The following MCCC2 variants were observed in gnomAD, a reference collection of about 807,000 sequenced individuals.
The protein encoded by MCCC2 is methylcrotonoyl-CoA carboxylase beta chain, mitochondrial.
MCCC2 carries 52 observed loss-of-function variants against 77.2 expected under a neutral mutation model. The ratio of observed to expected loss-of-function variants is 0.67; its 90% confidence interval spans 0.54 to 0.85. The LOEUF (loss-of-function observed/expected upper bound fraction) is 0.85, where lower values mean the gene tolerates loss of function less well. Ranked by LOEUF, MCCC2 falls within the 40% of genes least tolerant of loss-of-function variation. The pLI, the probability that MCCC2 is intolerant of heterozygous loss-of-function variation, is 0.00. For synonymous variants in MCCC2, 253 were observed against 248.4 expected (o/e 1.02, Z -0.18); for missense variants, 682 against 703.2 (o/e 0.97, Z 0.34).
chr5:71,599,574 A>G lies in MCCC2; in HGVS notation c.282-85A>G, dbSNP rs1441318889. On this transcript the variant is annotated intron_variant, in intron 3 of 16. Coordinates refer to ENST00000340941, the MANE Select transcript of MCCC2 (RefSeq NM_022132.5). ...TTTGAAATATTGTCCCATTGAGGAA[A>G]AATCTTTTCCTTTTCCATGTGTAAC... is the stretch of plus-strand genomic sequence containing the variant. The G allele has an allele frequency of 7.3e-6, 8 of 1,093,974 alleles. No homozygotes were observed. In the African/African-American group the frequency reaches 1.1e-4, roughly 15 times the overall value. 67.8% of individuals were successfully genotyped at this position (1,093,974 alleles called of 1,614,324 possible).
rs149730963 is a variant in MCCC2, at chr5:71,622,754, C to T, written c.625-3886C>T. On this transcript the variant is annotated intron_variant, in intron 6 of 16. Transcript: ENST00000340941. ...TCCTGGCTTCAAGCAGTCTTCCTGC[C>T]TTAGCCTCCTGAGTAGCTGGGATTA... 1.9e-3 allele frequency among the ~76,000 whole-genome samples: 287 copies of T among 152,316 alleles called. 1 individual carries two copies. Among genetic ancestry groups the T allele is most frequent in the African/African-American group, 5.9e-3 (246 of 41,584 alleles).
chr5:71,616,835 G>A (rs1746169676), intron 6 of MCCC2, among the ~76,000 whole-genome samples: 1 of 152,126 alleles, frequency 6.6e-6, no homozygotes, highest in Non-Finnish European at 1.5e-5. Context: ...ATATATTGAT[G>A]AGTCCTGTTG....
At chr5:71,597,033 A>T (rs564671077) in intron 3 of MCCC2, among the ~76,000 whole-genome samples, 2 of 152,178 alleles carry the variant, frequency 1.3e-5, no homozygotes, top group East Asian at 3.9e-4. Context: ...GGAGAGGAAG[A>T]TATAGGGCAA....
intron 6 of MCCC2, among the ~76,000 whole-genome samples, chr5:71,626,062 A>C (rs1273438626): frequency 6.6e-6 from 1 of 152,172 alleles, no homozygotes; most frequent in East Asian, 1.9e-4. Flanking sequence ...TAAACACACA[A>C]AACTAGAGAA....
At chr5:71,605,170 A>G (rs981623878) in intron 6 of MCCC2, among the ~76,000 whole-genome samples, 2 of 125,556 alleles carry the variant, frequency 1.6e-5, no homozygotes, top group Non-Finnish European at 3.4e-5. Flanking sequence ...GACTTCGACA[A>G]TGGTTGAACT....
chr5:71,631,587 C>T (rs1203939556), intron 7 of MCCC2, among the ~76,000 whole-genome samples: 1 of 147,356 alleles, frequency 6.8e-6, no homozygotes, highest in Non-Finnish European at 1.5e-5. Flanking sequence ...GTCGCCCAGG[C>T]CGGACTGCAG....
chr5:71,645,420 G>T (rs1269922858), intron 12 of MCCC2, among the ~76,000 whole-genome samples: 1 of 152,134 alleles, frequency 6.6e-6, no homozygotes, highest in Non-Finnish European at 1.5e-5. Context: ...AGAAATAGTT[G>T]TATTTTTGTA....
intron 8 of MCCC2, among the ~76,000 whole-genome samples, chr5:71,633,948 T>C (rs745528578): frequency 8.5e-5 from 13 of 152,180 alleles, no homozygotes; most frequent in South Asian, 8.3e-4. Context: ...CTGTGGGCTA[T>C]GAAAAAGAGT....
In MCCC2 at chr5:71,641,066, T is replaced by C. The variant is rs1181801072; in HGVS notation, c.1063T>C (p.Leu355=). The C allele has an allele frequency of 1.2e-6, 2 of 1,613,328 alleles. No individual in the cohort carries two copies. The highest frequency in any genetic ancestry group is 1.3e-5 in the African/African-American group (1 of 74,928). ...TEFKAFYGDT[L]VTGFARIFGY... Reference sequence around the variant, plus strand: ...GTTCAAAGCCTTTTATGGAGACACATTAGTTACAGGTATAAAGGTGAAGAA... The same window carrying C: ...GTTCAAAGCCTTTTATGGAGACACACTAGTTACAGGTATAAAGGTGAAGAA... The change falls in exon 11 of 17, where the codon TTA becomes CTA. Residue 355 remains leucine, a synonymous_variant. Transcript: ENST00000340941.
At chr5:71,635,282 C>T (rs1308501288) in intron 10 of MCCC2, 36 bp downstream of exon 10, 7 of 1,559,430 alleles carry the variant, frequency 4.5e-6, no homozygotes, top group African/African-American at 1.4e-5. Context: ...TTATGACCAG[C>T]TGTGAGTCTC....
At chr5:71,607,230 A>G (rs970052002) in intron 6 of MCCC2, among the ~76,000 whole-genome samples, 166 of 151,856 alleles carry the variant, frequency 1.1e-3, no homozygotes, top group African/African-American at 3.9e-3. Flanking sequence ...TTGGTAAACT[A>G]TTGATTATTG....
chr5:71,649,313 C>A, intron 14 of MCCC2, 60 bp downstream of exon 14: 1 of 1,441,932 alleles, frequency 6.9e-7, no homozygotes, highest in South Asian at 1.2e-5. Context: ...AATACATGGT[C>A]AGTTTATTTC....
intron 10 of MCCC2, chr5:71,635,864 A>T (rs1561842670): frequency 6.2e-6 from 1 of 162,586 alleles, no homozygotes; most frequent in Non-Finnish European, 1.3e-5. Flanking sequence ...AATATTTCAA[A>T]TTATATTTTC....
intron 15 of MCCC2, among the ~76,000 whole-genome samples, chr5:71,651,460 G>A (rs1303685523): frequency 2.0e-5 from 3 of 152,134 alleles, no homozygotes; most frequent in Admixed American, 6.5e-5. Flanking sequence ...TAACTCCTGT[G>A]TAAGCACCAA....
At position 71,604,252 on chromosome 5, in the gene MCCC2, T is replaced by C. The variant is rs557696615; in HGVS notation, c.512-104T>C. On this transcript the variant is annotated intron_variant, in intron 5 of 16. Transcript: ENST00000340941. ...AGTTTAGAAAGACAGGGCAAGTTTT[T>C]TGTGAATGTGATTAAGAACTGATGC... The C allele has an allele frequency of 2.0e-5, 20 of 1,004,104 alleles. No homozygotes were observed. The African/African-American group carries it at 3.2e-4, about 16-fold the overall frequency. 62.2% of individuals were successfully genotyped at this position (1,004,104 alleles called of 1,614,324 possible).
At chr5:71,610,169 C>T (rs986415445) in intron 6 of MCCC2, among the ~76,000 whole-genome samples, 15 of 152,342 alleles carry the variant, frequency 9.8e-5, no homozygotes, top group Admixed American at 3.9e-4. Flanking sequence ...CCCCCAGCCT[C>T]GCTGCCGCCT....
intron 6 of MCCC2, among the ~76,000 whole-genome samples, chr5:71,623,330 T>C (rs1333393743): frequency 6.6e-6 from 1 of 152,134 alleles, no homozygotes; most frequent in Non-Finnish European, 1.5e-5. Flanking sequence ...GCTGCAGTCA[T>C]CTCGGAGCTT....
intron 2 of MCCC2, among the ~76,000 whole-genome samples, chr5:71,595,941 T>A (rs993691552): frequency 6.6e-6 from 1 of 152,230 alleles, no homozygotes. Context: ...TATCATAGCA[T>A]GTATTTAATA....
At chr5:71,649,030 T>G in intron 13 of MCCC2, 67 bp from the exon 14 acceptor site, 2 of 1,566,712 alleles carry the variant, frequency 1.3e-6, no homozygotes, top group Non-Finnish European at 1.8e-6. Flanking sequence ...AGATGTCCTT[T>G]TGGTGGAATT....
Sources: gnomAD v4.1 joint callset for allele counts (sites outside exome capture counted in the v4.1 genomes callset) on GRCh38, gnomAD v4.1.1 for gene constraint, MANE v1.5 for transcripts, NCBI Gene and HGNC (gene_info 2026-07-23, HGNC 2026-07-21) for gene names.